The following ERO1A variants were observed in gnomAD, a reference collection of about 807,000 sequenced individuals.
ERO1A encodes ERO1-like protein alpha.
ERO1A carries 49 observed loss-of-function variants against 76.9 expected under a neutral mutation model. The ratio of observed to expected loss-of-function variants is 0.64; its 90% confidence interval spans 0.51 to 0.81. The LOEUF (loss-of-function observed/expected upper bound fraction) is 0.81, where lower values mean the gene tolerates loss of function less well. Among genes scored for constraint, ERO1A ranks in the 30% least tolerant of loss-of-function variants. The pLI, the probability that ERO1A is intolerant of heterozygous loss-of-function variation, is 0.00. For synonymous variants in ERO1A, 174 were observed against 181.2 expected (o/e 0.96, Z 0.32); for missense variants, 448 against 542.1 (o/e 0.83, Z 1.72).
intron 1 of ERO1A, 70 bp from the exon 2 acceptor site, chr14:52,683,977 G>T: frequency 7.8e-7 from 1 of 1,278,368 alleles, no homozygotes; most frequent in Non-Finnish European, 1.1e-6. Flanking sequence ...TCCTCACATG[G>T]TTGTTAGGAA....
At chr14:52,644,394 C>T (rs899039530) in intron 15 of ERO1A, among the ~76,000 whole-genome samples, 46 of 152,078 alleles carry the variant, frequency 3.0e-4, no homozygotes, top group African/African-American at 1.1e-3. Flanking sequence ...CAGAGGTTTC[C>T]GTAAACTGAG....
intron 13 of ERO1A, among the ~76,000 whole-genome samples, chr14:52,651,038 G>A (rs2039845869): frequency 6.6e-6 from 1 of 151,732 alleles, no homozygotes; most frequent in Non-Finnish European, 1.5e-5. Context: ...GAAGGCTGAG[G>A]TGGGAGGACC....
At chr14:52,668,857 C>T (rs1207056798) in intron 6 of ERO1A, among the ~76,000 whole-genome samples, 3 of 149,582 alleles carry the variant, frequency 2.0e-5, no homozygotes, top group Non-Finnish European at 3.0e-5. Flanking sequence ...TATATTTGTG[C>T]CAAGAATTTT....
chr14:52,682,463 T>C (rs571103046), intron 2 of ERO1A, 55 bp from the exon 3 acceptor site: 159 of 1,311,090 alleles, frequency 1.2e-4, no homozygotes, highest in East Asian at 1.7e-4. Context: ...AAAATTATAA[T>C]TGACAGTTAC....
intron 6 of ERO1A, 42 bp downstream of exon 6, chr14:52,671,588 G>A (rs1286488311): frequency 1.4e-6 from 2 of 1,407,454 alleles, no homozygotes; most frequent in Non-Finnish European, 2.0e-6. Flanking sequence ...TTTTTCTTAG[G>A]TATAATTTTA....
intron 1 of ERO1A, among the ~76,000 whole-genome samples, chr14:52,687,138 T>C (rs187165600): frequency 1.3e-5 from 2 of 152,164 alleles, no homozygotes; most frequent in Admixed American, 1.3e-4. Flanking sequence ...GAACAAAGCA[T>C]GTTACTAGAA....
Position 52,650,905 on chromosome 14 carries a change from G to A in ERO1A, c.1125+1334C>T, listed in dbSNP as rs115348475. Among the ~76,000 whole-genome samples the A allele has an allele frequency of 3.3e-3, 510 of 152,298 alleles. 2 individuals are homozygous for A. Among genetic ancestry groups the A allele is most frequent in the African/African-American group, 0.012 (483 of 41,568 alleles). On this transcript the variant is annotated intron_variant, in intron 13 of 15. Transcript: ENST00000395686. ...CAAGGCAATGACCAGACCGCATTCC[G>A]TGGGGTATGGAATCTGTTCTTTCCC...
intron 1 of ERO1A, among the ~76,000 whole-genome samples, chr14:52,692,265 T>C (rs1242504483): frequency 1.3e-5 from 2 of 152,210 alleles, no homozygotes; most frequent in African/African-American, 4.8e-5. Flanking sequence ...TTTCAACATA[T>C]GCTTGATGAA....
In ERO1A at chr14:52,653,190, G is replaced by T; in HGVS notation, c.934C>A (p.Leu312Ile). The T allele has an allele frequency of 6.2e-7, 1 of 1,613,544 alleles. No homozygotes were observed. Among genetic ancestry groups the T allele is most frequent in the East Asian group, 2.2e-5 (1 of 44,798 alleles). Reference sequence around the variant, plus strand: ...GGTAACACTTTGGATAAAGCCCTTAGTTCTATTAAGTAGAGAAAATACAAG... The same window carrying T: ...GGTAACACTTTGGATAAAGCCCTTATTTCTATTAAGTAGAGAAAATACAAG... ...KNLYFLYLIE[L>I]RALSKVLPFF... is the part of the protein sequence containing the mutation. The change falls in exon 12 of 16, where the codon CTA (leucine) becomes ATA (isoleucine). Residue 312 changes from leucine (L) to isoleucine (I), a missense_variant. Coordinates refer to ENST00000395686, the MANE Select transcript of ERO1A (RefSeq NM_014584.3).
At chr14:52,644,058 T>C (rs1451000032) in intron 15 of ERO1A, among the ~76,000 whole-genome samples, 1 of 152,082 alleles carries the variant, frequency 6.6e-6, no homozygotes, top group Non-Finnish European at 1.5e-5. Flanking sequence ...GAGAACTGCT[T>C]GAGCCCAGAA....
rs1477254790 is a variant in ERO1A at position 52,671,636 on chromosome 14, C to A, written c.502G>T (p.Ala168Ser). 1 of 1,602,266 alleles carries A rather than the reference C, an allele frequency of 6.2e-7. No homozygotes were observed. The highest frequency in any genetic ancestry group is 1.3e-5 in the African/African-American group (1 of 74,830). Residue 168 changes from alanine to serine, a missense_variant, in exon 6 of 16, where the codon GCT becomes TCT. Transcript: ENST00000395686. The part of the protein sequence containing the change: ...HDDSSDNFCE[A>S]DDIQSPEAEY... ...ACTATCAAAAATATTATACCATCAGCTTCACAGAAGTTATCTGAAGAATCA... is the reference window on the plus strand; with the variant it reads ...ACTATCAAAAATATTATACCATCAGATTCACAGAAGTTATCTGAAGAATCA...
intron 1 of ERO1A, among the ~76,000 whole-genome samples, chr14:52,685,244 T>G (rs1368867904): frequency 6.6e-6 from 1 of 152,208 alleles, no homozygotes; most frequent in Non-Finnish European, 1.5e-5. Flanking sequence ...ACAGCAATAT[T>G]CAAGAAGAAC....
rs150768256 is a variant in ERO1A at position 52,643,570 on chromosome 14, T to C, written c.1407A>G (p.Ter469=). 9.5e-5 allele frequency: 141 copies of C among 1,479,152 alleles called. No individual in the cohort carries two copies. The highest frequency in any genetic ancestry group is 1.2e-4 in the Non-Finnish European group (139 of 1,118,976). 91.6% of individuals were successfully genotyped at this position (1,479,152 alleles called of 1,614,324 possible). A position where few individuals can be genotyped will look rare whatever the true frequency, so the allele number is the denominator to read the frequency against. The part of the protein sequence containing the change: ...NFRNLLQNIH[*] The stretch of plus-strand genomic sequence containing the variant: ...ACAGGCACATATCAGCTTGTTTTCT[T>C]TAATGAATATTCTGTAACAAGTTCC... The change falls in exon 16 of 16, where the codon TAA becomes TAG. Residue 469 remains the stop codon, a stop_retained_variant. Coordinates refer to ENST00000395686, the MANE Select transcript of ERO1A (RefSeq NM_014584.3).
At chr14:52,694,885 G>C (rs895917421) in intron 1 of ERO1A, among the ~76,000 whole-genome samples, 2 of 152,102 alleles carry the variant, frequency 1.3e-5, no homozygotes, top group Non-Finnish European at 2.9e-5. Context: ...CAGAAAAACC[G>C]CAAGCAGCCA....
intron 4 of ERO1A, among the ~76,000 whole-genome samples, chr14:52,674,359 A>AT (rs891462510): frequency 6.6e-6 from 1 of 151,070 alleles, no homozygotes; most frequent in Non-Finnish European, 1.5e-5. Flanking sequence ...CACTTGGCTA[A>AT]TTTTTTTTTA....
In ERO1A at chr14:52,684,118, G is replaced by GACAC. The variant is rs60355765; in HGVS notation, c.115-215_115-212dup. The stretch of plus-strand genomic sequence containing the variant: ...GGAATGGAAGGTGTGCAGAGCTCAT[G>GACAC]ACACACACACACACACACACACACA... On this transcript the variant is annotated intron_variant, in intron 1 of 15. Transcript: ENST00000395686. 7.9e-3 allele frequency among the ~76,000 whole-genome samples: 1,069 copies of GACAC among 134,612 alleles called. 5 individuals are homozygous for GACAC. The highest frequency in any genetic ancestry group is 0.019 in the African/African-American group (709 of 37,326). 88.3% of individuals were successfully genotyped at this position (134,612 alleles called of 152,430 possible). A position where few individuals can be genotyped will look rare whatever the true frequency, so the allele number is the denominator to read the frequency against.
rs149835373 is a variant in ERO1A at position 52,653,585 on chromosome 14, C to G, written c.809-270G>C. Reference sequence around the variant, plus strand: ...AAATCATTCTTAATTTTTGCAGGTGCATAGTATCTGCTTATATTGATGCCA... The same window carrying G: ...AAATCATTCTTAATTTTTGCAGGTGGATAGTATCTGCTTATATTGATGCCA... On this transcript the variant is annotated intron_variant, in intron 11 of 15. Coordinates refer to ENST00000395686, the MANE Select transcript of ERO1A (RefSeq NM_014584.3). Among the ~76,000 whole-genome samples, 242 of 151,818 alleles carry G rather than the reference C, an allele frequency of 1.6e-3. 1 individual carries two copies. Among genetic ancestry groups the G allele is most frequent in the African/African-American group, 5.6e-3 (233 of 41,488 alleles).
chr14:52,685,732 T>C lies in ERO1A; in HGVS notation c.115-1825A>G, dbSNP rs987540636. Among the ~76,000 whole-genome samples the C allele has an allele frequency of 3.9e-5, 6 of 152,298 alleles. No individual in the cohort carries two copies. The East Asian group carries it at 1.2e-3, about 29-fold the overall frequency. ...CAAGCCTCAGCTCAGTATCACCTTT[T>C]TCAGGAAGCTGTCCTTCCAGTACTC... is the stretch of plus-strand genomic sequence containing the variant. On this transcript the variant is annotated intron_variant, in intron 1 of 15. Coordinates refer to ENST00000395686, the MANE Select transcript of ERO1A (RefSeq NM_014584.3).
intron 13 of ERO1A, chr14:52,646,667 A>G (rs1344622622): frequency 2.2e-6 from 1 of 454,698 alleles, no homozygotes. Flanking sequence ...AAAGGTAGTT[A>G]TTATTATAAT....
Sources: gnomAD v4.1 joint callset for allele counts (sites outside exome capture counted in the v4.1 genomes callset) on GRCh38, gnomAD v4.1.1 for gene constraint, MANE v1.5 for transcripts, NCBI Gene and HGNC (gene_info 2026-07-23, HGNC 2026-07-21) for gene names.